LRTM1: variants seen among roughly 807,000 people sequenced by gnomAD.
LRTM1 encodes leucine-rich repeat and transmembrane domain-containing protein 1.
A neutral mutation model predicts 32.4 loss-of-function variants in LRTM1; 38 were observed. The observed-to-expected ratio is 1.17, with a 90% CI of 0.91 to 1.54. The LOEUF is 1.54. Ranked by LOEUF, LRTM1 falls within the 40% of genes most tolerant of loss-of-function variation. LRTM1 has a pLI of 0.00. For synonymous variants in LRTM1, 186 were observed against 169.9 expected (o/e 1.09, Z -0.74); for missense variants, 466 against 415.4 (o/e 1.12, Z -1.06).
At chr3:54,940,949 A>G (rs192634290) in intron 1 of LRTM1, among the ~76,000 whole-genome samples, 395 of 152,338 alleles carry the variant, frequency 2.6e-3, no homozygotes, top group African/African-American at 9.0e-3. Context: ...TAACAAGACT[A>G]ACTTTGTCAT....
chr3:54,955,105 AC>A (rs1701850430), intron 1 of LRTM1, among the ~76,000 whole-genome samples: 1 of 152,202 alleles, frequency 6.6e-6, no homozygotes, highest in Non-Finnish European at 1.5e-5. Context: ...ATTCGAACGT[AC>A]GTAACATGGG....
At position 54,918,332 on chromosome 3, in the gene LRTM1, CTTTTTTTTTTT is replaced by C. The variant is rs533596688; in HGVS notation, c.*116_*126del. 1.4e-4 allele frequency: 32 copies of C among 228,000 alleles called. 1 individual carries two copies. Among genetic ancestry groups the C allele is most frequent in the South Asian group, 4.6e-4 (8 of 17,326 alleles). The allele number at this position is 228,000 out of a possible 1,614,324, so 14.1% of individuals were successfully genotyped here. Reference sequence around the variant, plus strand: ...TTTTACAGACACATCTTTTTTTTTTCTTTTTTTTTTTTTTTTTTTTTTTGTCTTTTGGCAAA... The same window carrying C: ...TTTTACAGACACATCTTTTTTTTTTCTTTTTTTTTTTTGTCTTTTGGCAAA... On this transcript the variant is annotated 3_prime_UTR_variant, in exon 3 of 3. Coordinates refer to ENST00000273286, the MANE Select transcript of LRTM1 (RefSeq NM_020678.4).
upstream of LRTM1, among the ~76,000 whole-genome samples, chr3:54,930,260 AC>A (rs895139454): frequency 1.3e-5 from 2 of 152,024 alleles, no homozygotes; most frequent in Non-Finnish European, 2.9e-5. Flanking sequence ...AACTCCCACC[AC>A]CCAGGCAAAC....
chr3:54,958,720 G>A (rs1701962292), intron 1 of LRTM1, among the ~76,000 whole-genome samples: 1 of 152,170 alleles, frequency 6.6e-6, no homozygotes, highest in South Asian at 2.1e-4. Flanking sequence ...TTCTCTCAGG[G>A]CTAAGTATGC....
At chr3:54,929,542 C>G (rs1030950591), upstream of LRTM1, among the ~76,000 whole-genome samples, 3 of 152,104 alleles carry the variant, frequency 2.0e-5, no homozygotes, top group Non-Finnish European at 4.4e-5. Context: ...TTGGCCAAGC[C>G]CCTTGTCACC....
At chr3:54,921,668 C>A (rs1472391020) in intron 2 of LRTM1, among the ~76,000 whole-genome samples, 1 of 152,068 alleles carries the variant, frequency 6.6e-6, no homozygotes, top group Non-Finnish European at 1.5e-5. Context: ...TGTAATCCGC[C>A]ATGCATTTTG....
chr3:54,958,882 T>C (rs754895424), intron 1 of LRTM1, among the ~76,000 whole-genome samples: 8 of 152,046 alleles, frequency 5.3e-5, no homozygotes, highest in Non-Finnish European at 8.8e-5. Context: ...GGCAGGAGGA[T>C]TGCTTGAACC....
chr3:54,918,325 T>A lies in LRTM1; in HGVS notation c.*134A>T, dbSNP rs1700715861. The A allele has an allele frequency of 2.4e-6, 1 of 409,390 alleles. No individual in the cohort carries two copies. The highest frequency in any genetic ancestry group is 4.3e-5 in the Admixed American group (1 of 23,446). 25.4% of individuals were successfully genotyped at this position (409,390 alleles called of 1,614,324 possible). On this transcript the variant is annotated 3_prime_UTR_variant, in exon 3 of 3. Coordinates refer to ENST00000273286, the MANE Select transcript of LRTM1 (RefSeq NM_020678.4). ...AAATATTTTTTACAGACACATCTTT[T>A]TTTTTTCTTTTTTTTTTTTTTTTTT...
intron 1 of LRTM1, among the ~76,000 whole-genome samples, chr3:54,952,813 T>C (rs972859320): frequency 2.6e-5 from 4 of 152,084 alleles, no homozygotes; most frequent in African/African-American, 9.7e-5. Flanking sequence ...ACAATATCTA[T>C]CTATGAGGAT....
chr3:54,946,634 C>T (rs947829075), intron 1 of LRTM1, among the ~76,000 whole-genome samples: 1 of 152,056 alleles, frequency 6.6e-6, no homozygotes, highest in African/African-American at 2.4e-5. Context: ...ACAGGAGAGC[C>T]GTCCTTTCAT....
intron 1 of LRTM1, among the ~76,000 whole-genome samples, chr3:54,966,428 C>G (rs1347501551): frequency 6.6e-6 from 1 of 152,144 alleles, no homozygotes; most frequent in Non-Finnish European, 1.5e-5. Context: ...GTTGTGTAGT[C>G]TGGCCACGTG....
At position 54,943,786 on chromosome 3, in the gene LRTM1, T is replaced by C. The variant is rs371076348; in HGVS notation, c.-221-18571A>G. Among the ~76,000 whole-genome samples the C allele has an allele frequency of 1.2e-4, 18 of 152,330 alleles. No homozygotes were observed. The South Asian group carries it at 3.5e-3, about 30-fold the overall frequency. The stretch of plus-strand genomic sequence containing the variant: ...CTATTTCAGTCCGGACTAATAGCTC[T>C]CTAGGTTTGCTGGGCATGCAGGCAC... On this transcript the variant is annotated intron_variant, in intron 1 of 2. Coordinates refer to the LRTM1 transcript ENST00000493075.
intron 1 of LRTM1, among the ~76,000 whole-genome samples, chr3:54,933,063 TC>T (rs1701238210): frequency 1.9e-4 from 3 of 15,636 alleles, no homozygotes; most frequent in African/African-American, 2.4e-4. Flanking sequence ...CTTCCTTCCT[TC>T]CTTCCTTCCT....
At chr3:54,926,066 T>C (rs962308261) in intron 1 of LRTM1, among the ~76,000 whole-genome samples, 2 of 152,240 alleles carry the variant, frequency 1.3e-5, no homozygotes, top group Admixed American at 6.5e-5. Context: ...GCATTACTTA[T>C]GCAGTTGAAC....
At chr3:54,957,767 T>A (rs1701937877) in intron 1 of LRTM1, among the ~76,000 whole-genome samples, 1 of 152,124 alleles carries the variant, frequency 6.6e-6, no homozygotes, top group Non-Finnish European at 1.5e-5. Context: ...AGTCCGTCTG[T>A]CATCTCTCAC....
rs112094171 is a variant in LRTM1, at chr3:54,925,030, G to T, written c.193C>A (p.Leu65Ile). 8 of 1,614,188 alleles carry T rather than the reference G, an allele frequency of 5.0e-6. No homozygotes were observed. The highest frequency in any genetic ancestry group is 4.0e-5 in the African/African-American group (3 of 75,064). Residue 65 changes from leucine to isoleucine, a missense_variant, in exon 2 of 3, where the codon CTT becomes ATT. Coordinates refer to ENST00000273286, the MANE Select transcript of LRTM1 (RefSeq NM_020678.4). ...LHLQDNQIHH[L>I]PAFAFRSVPW... ...ACTGACCTAAATGCAAAAGCAGGAA[G>T]ATGGTGTATCTGATTATCTTGTAAA...
In LRTM1 at chr3:54,918,321, C is replaced by CT. The variant is rs60257399; in HGVS notation, c.*137dup. On this transcript the variant is annotated 3_prime_UTR_variant, in exon 3 of 3. Coordinates refer to ENST00000273286, the MANE Select transcript of LRTM1 (RefSeq NM_020678.4). The stretch of plus-strand genomic sequence containing the variant: ...CCAGAAATATTTTTTACAGACACAT[C>CT]TTTTTTTTTTCTTTTTTTTTTTTTT... 1,003 of 392,786 alleles carry CT rather than the reference C, an allele frequency of 2.6e-3. No individual in the cohort carries two copies. The highest frequency in any genetic ancestry group is 4.0e-3 in the Middle Eastern group (4 of 998). The allele number at this position is 392,786 out of a possible 1,614,324, so 24.3% of individuals were successfully genotyped here. A position where few individuals can be genotyped will look rare whatever the true frequency, so the allele number is the denominator to read the frequency against.
Position 54,943,379 on chromosome 3 carries a change from CAT to C in LRTM1, c.-221-18166_-221-18165del, listed in dbSNP as rs1222339832. 7.9e-5 allele frequency among the ~76,000 whole-genome samples: 12 copies of C among 152,236 alleles called. No homozygotes were observed. In the East Asian group the frequency reaches 9.7e-4, roughly 12 times the overall value. ...TTGCCGTTTTTTAGTTAATTTTAGA[CAT>C]GTGTATTTACTTCCTTTAATACATG... On this transcript the variant is annotated intron_variant, in intron 1 of 2. Transcript: ENST00000493075.
chr3:54,932,020 A>G (rs912902665), upstream of LRTM1, among the ~76,000 whole-genome samples: 2 of 152,030 alleles, frequency 1.3e-5, no homozygotes, highest in South Asian at 2.1e-4. Flanking sequence ...ATCTCTACCA[A>G]AAATACAAAA....
Sources: allele counts gnomAD v4.1 joint callset (sites outside exome capture counted in the v4.1 genomes callset), GRCh38; gene constraint gnomAD v4.1.1; transcripts MANE v1.5; gene names NCBI Gene and HGNC (gene_info 2026-07-23, HGNC 2026-07-21).